The following PPP2R2B variants were observed in gnomAD, a reference collection of about 807,000 sequenced individuals.
PPP2R2B encodes the protein serine/threonine-protein phosphatase 2A 55 kDa regulatory subunit B beta isoform.
A neutral mutation model predicts 46.0 loss-of-function variants in PPP2R2B; 5 were observed. The ratio of observed to expected loss-of-function variants is 0.11; its 90% confidence interval spans 0.06 to 0.23. The LOEUF (loss-of-function observed/expected upper bound fraction) is 0.23, where lower values mean the gene tolerates loss of function less well. PPP2R2B is among the 10% of genes least tolerant of loss of function. The pLI, the probability that PPP2R2B is intolerant of heterozygous loss-of-function variation, is 1.00. For missense variants in PPP2R2B, 367 were observed against 575.0 expected (o/e 0.64, Z 3.70); for synonymous variants, 215 against 206.7 (o/e 1.04, Z -0.34).
In PPP2R2B at chr5:146,996,383, G is replaced by A. The variant is rs761143878; in HGVS notation, c.79+59282C>T. The stretch of plus-strand genomic sequence containing the variant: ...TTAGATAATTAGGTTCTTCTAAGTC[G>A]TGTGATGTGGGTGGGCTATAGTTTG... On this transcript the variant is annotated intron_variant, in intron 1 of 8. Coordinates refer to the PPP2R2B transcript ENST00000336640. Among the ~76,000 whole-genome samples the A allele has an allele frequency of 4.9e-4, 74 of 152,264 alleles. 1 individual carries two copies. In the Middle Eastern group the frequency reaches 0.014, roughly 28 times the overall value.
intron 2 of PPP2R2B, among the ~76,000 whole-genome samples, chr5:146,832,465 C>T (rs1386568347): frequency 2.2e-5 from 3 of 133,570 alleles, no homozygotes; most frequent in African/African-American, 8.4e-5. Context: ...GATGTTGGCT[C>T]ACCGCAACCT....
At chr5:147,000,710 C>G (rs1245297810) in intron 1 of PPP2R2B, among the ~76,000 whole-genome samples, 6 of 121,098 alleles carry the variant, frequency 5.0e-5, no homozygotes, top group Non-Finnish European at 8.6e-5. Context: ...CAACCTAATA[C>G]TTACTGATCA....
At chr5:147,020,258 C>T (rs1172459887) in intron 1 of PPP2R2B, among the ~76,000 whole-genome samples, 1 of 152,020 alleles carries the variant, frequency 6.6e-6, no homozygotes, top group Admixed American at 6.6e-5. Flanking sequence ...AATGTACCCT[C>T]AGAGTTCCTT....
chr5:146,666,653 C>T lies in PPP2R2B; in HGVS notation c.448-15929G>A, dbSNP rs75646601. Among the ~76,000 whole-genome samples, 106 of 152,322 alleles carry T rather than the reference C, an allele frequency of 7.0e-4. No homozygotes were observed. In the East Asian group the frequency reaches 0.016, roughly 22 times the overall value. On this transcript the variant is annotated intron_variant, in intron 5 of 9. Coordinates refer to ENST00000394411, the MANE Select transcript of PPP2R2B (RefSeq NM_181675.4). ...GAGGACAGCTCTCAACCCATCTCCTCTCCACTTTCATAGATTATACCAAGA... is the reference window on the plus strand; with the variant it reads ...GAGGACAGCTCTCAACCCATCTCCTTTCCACTTTCATAGATTATACCAAGA...
chr5:146,892,555 T>A (rs182285317), intron 1 of PPP2R2B, among the ~76,000 whole-genome samples: 1 of 152,302 alleles, frequency 6.6e-6, no homozygotes, highest in African/African-American at 2.4e-5. Flanking sequence ...CTTAAGATCA[T>A]CAGGCCTTCA....
rs151053757 is a variant in PPP2R2B at position 146,728,693 on chromosome 5, C to T, written c.71-27551G>A. 6.6e-5 allele frequency among the ~76,000 whole-genome samples: 10 copies of T among 152,258 alleles called. No homozygotes were observed. The East Asian group carries it at 1.4e-3, about 21-fold the overall frequency. The stretch of plus-strand genomic sequence containing the variant: ...TTGAATCACGGGGACTGGTCTTTCC[C>T]GTGCTATTCTCATGATAGTGAATAA... On this transcript the variant is annotated intron_variant, in intron 2 of 9. Transcript: ENST00000394411.
chr5:146,856,403 T>G (rs997132415), intron 2 of PPP2R2B: 7 of 897,358 alleles, frequency 7.8e-6, no homozygotes, highest in Non-Finnish European at 1.1e-5. Context: ...AATTAACTTG[T>G]GTCCCACGGA....
intron 7 of PPP2R2B, among the ~76,000 whole-genome samples, chr5:146,604,145 A>G (rs548466930): frequency 1.3e-5 from 2 of 152,352 alleles, no homozygotes; most frequent in Admixed American, 6.5e-5. Flanking sequence ...ATGTTTAGCA[A>G]TCACACAAAT....
At chr5:146,623,359 T>C (rs1477099597) in intron 7 of PPP2R2B, among the ~76,000 whole-genome samples, 1 of 152,262 alleles carries the variant, frequency 6.6e-6, no homozygotes, top group Non-Finnish European at 1.5e-5. Flanking sequence ...TCATATTCAA[T>C]TGAAAATGAA....
intron 1 of PPP2R2B, among the ~76,000 whole-genome samples, chr5:146,974,256 C>G (rs1582527449): frequency 1.3e-5 from 2 of 152,292 alleles, no homozygotes; most frequent in East Asian, 3.9e-4. Flanking sequence ...ACTAATAGTA[C>G]TTTCTGTGTG....
intron 6 of PPP2R2B, among the ~76,000 whole-genome samples, chr5:146,640,406 G>A (rs1775123610): frequency 6.6e-6 from 1 of 152,214 alleles, no homozygotes; most frequent in African/African-American, 2.4e-5. Flanking sequence ...ACATGCTGTG[G>A]AGCAAGAGCC....
chr5:146,802,502 G>A (rs990506942), intron 2 of PPP2R2B, among the ~76,000 whole-genome samples: 2 of 152,142 alleles, frequency 1.3e-5, no homozygotes. Context: ...TTCACATTAA[G>A]CACCAAATCC....
At chr5:146,817,698 A>T (rs1433412352) in intron 2 of PPP2R2B, among the ~76,000 whole-genome samples, 10 of 152,204 alleles carry the variant, frequency 6.6e-5, no homozygotes, top group Non-Finnish European at 1.0e-4. Context: ...CGTAAAATAA[A>T]AGTCTCCCCC....
At chr5:146,601,888 A>C (rs1771816950) in intron 7 of PPP2R2B, among the ~76,000 whole-genome samples, 1 of 152,110 alleles carries the variant, frequency 6.6e-6, no homozygotes. Context: ...TATCTCTCTC[A>C]ATAGCTTCAG....
chr5:146,744,682 G>A (rs549690258), intron 2 of PPP2R2B, among the ~76,000 whole-genome samples: 22 of 152,314 alleles, frequency 1.4e-4, no homozygotes, highest in African/African-American at 5.1e-4. Context: ...CCTAAGAAGG[G>A]TTCCTCCTCA....
chr5:146,912,325 C>T (rs1479858225), intron 1 of PPP2R2B, among the ~76,000 whole-genome samples: 1 of 150,576 alleles, frequency 6.6e-6, no homozygotes, highest in Non-Finnish European at 1.5e-5. Context: ...GAATCAGTGG[C>T]CACTTCCTGA....
intron 1 of PPP2R2B, among the ~76,000 whole-genome samples, chr5:146,930,810 T>C (rs1763944030): frequency 6.6e-6 from 1 of 152,240 alleles, no homozygotes; most frequent in Non-Finnish European, 1.5e-5. Flanking sequence ...ATTTTATGTC[T>C]AAAATTTCTT....
chr5:146,877,132 T>C (rs879941725), intron 2 of PPP2R2B, among the ~76,000 whole-genome samples: 42 of 140,422 alleles, frequency 3.0e-4, no homozygotes, highest in Non-Finnish European at 5.4e-4. Flanking sequence ...GTTTTGGCAC[T>C]GGGGGAAAAA....
chr5:146,838,649 A>C (rs1309002637), intron 2 of PPP2R2B, among the ~76,000 whole-genome samples: 1 of 152,124 alleles, frequency 6.6e-6, no homozygotes, highest in Admixed American at 6.6e-5. Context: ...AAAGCATACA[A>C]AAAGAGGAAT....
Sources: allele counts gnomAD v4.1 joint callset (sites outside exome capture counted in the v4.1 genomes callset), GRCh38; gene constraint gnomAD v4.1.1; transcripts MANE v1.5; gene names NCBI Gene and HGNC (gene_info 2026-07-23, HGNC 2026-07-21).